The following CXXC5 variants were observed in gnomAD, a reference collection of about 807,000 sequenced individuals.
CXXC5 encodes CXXC finger protein 5.
Under a neutral mutation model 17.6 loss-of-function variants are expected in CXXC5, and 2 were observed. That is an observed-to-expected ratio of 0.11 (90% CI 0.05 to 0.36). CXXC5 has a LOEUF of 0.36. Among genes scored for constraint, CXXC5 ranks in the 10% least tolerant of loss-of-function variants. The pLI is 1.00. For synonymous variants in CXXC5, 171 were observed against 193.0 expected, an observed-to-expected ratio of 0.89 and a Z score of 0.94; for missense variants, 343 against 458.3, an observed-to-expected ratio of 0.75 and a Z score of 2.30.
chr5:139,657,015 A>G (rs887712125), intron 1 of CXXC5, among the ~76,000 whole-genome samples: 2 of 151,952 alleles, frequency 1.3e-5, no homozygotes, highest in Admixed American at 6.6e-5. Context: ...GTGAGCCACC[A>G]CCCCCGGCCA....
At position 139,681,057 on chromosome 5, in the gene CXXC5, G is replaced by A; in HGVS notation, c.534G>A (p.Glu178=). The A allele has an allele frequency of 6.2e-7, 1 of 1,611,840 alleles. No homozygotes were observed. The highest frequency in any genetic ancestry group is 8.5e-7 in the Non-Finnish European group (1 of 1,180,002). The stretch of plus-strand genomic sequence containing the variant: ...AGATGCTGAAGCGCGTGGTGCAGGA[G>A]CATCTCCCGCTGATGAGCGAGGCGG... The part of the protein sequence containing the change: ...STEMLKRVVQ[E]HLPLMSEAGA... Residue 178 remains glutamate, a synonymous_variant, in exon 2 of 3, where the codon GAG becomes GAA. Coordinates refer to ENST00000302517, the MANE Select transcript of CXXC5 (RefSeq NM_016463.9).
intron 1 of CXXC5, among the ~76,000 whole-genome samples, chr5:139,666,076 G>T (rs1028280731): frequency 6.6e-6 from 1 of 152,128 alleles, no homozygotes; most frequent in South Asian, 2.1e-4. Context: ...GGACATTATC[G>T]GGCCAGTGTG....
chr5:139,682,934 T>TC lies in CXXC5; in HGVS notation c.*29dup. On this transcript the variant is annotated 3_prime_UTR_variant, in exon 3 of 3. Transcript: ENST00000302517. ...GGCGGCGGAACCCAAAGCTGCCCTCTCCGTGCAATGTCACTGCTCGTGTGG... is the reference window on the plus strand; with the variant it reads ...GGCGGCGGAACCCAAAGCTGCCCTCTCCCGTGCAATGTCACTGCTCGTGTGG... The TC allele has an allele frequency of 6.4e-7, 1 of 1,572,920 alleles. No individual in the cohort carries two copies. The highest frequency in any genetic ancestry group is 8.7e-7 in the Non-Finnish European group (1 of 1,155,760).
At position 139,661,040 on chromosome 5, in the gene CXXC5, C is replaced by T. The variant is rs556107687; in HGVS notation, c.-161+12195C>T. ...CCTGGGCCGAGGGGGCCAGGGCAGCCGGAGTCTGGGGGACCAGGACAGCCT... is the reference window on the plus strand; with the variant it reads ...CCTGGGCCGAGGGGGCCAGGGCAGCTGGAGTCTGGGGGACCAGGACAGCCT... On this transcript the variant is annotated intron_variant, in intron 1 of 2. Transcript: ENST00000302517. This position sits in a 1 kb window ranked among gnomAD's most constrained non-coding sequence, Gnocchi z 4.7. 2.0e-5 allele frequency among the ~76,000 whole-genome samples: 3 copies of T among 152,238 alleles called. No homozygotes were observed. The highest frequency in any genetic ancestry group is 4.8e-5 in the African/African-American group (2 of 41,534).
At chr5:139,679,448 G>A (rs1757056938) in intron 1 of CXXC5, among the ~76,000 whole-genome samples, 1 of 152,222 alleles carries the variant, frequency 6.6e-6, no homozygotes, top group South Asian at 2.1e-4. Flanking sequence ...GAAGATCCCT[G>A]AAATAAGGGT....
intron 1 of CXXC5, among the ~76,000 whole-genome samples, chr5:139,673,799 G>C (rs2126801605): frequency 6.6e-6 from 1 of 150,380 alleles, no homozygotes; most frequent in African/African-American, 2.4e-5. Flanking sequence ...CTGAGATCGG[G>C]CCACGCACTC....
chr5:139,676,890 T>C (rs1756861365), intron 1 of CXXC5, among the ~76,000 whole-genome samples: 1 of 151,536 alleles, frequency 6.6e-6, no homozygotes, highest in Non-Finnish European at 1.5e-5. Flanking sequence ...TCCTCCCCTC[T>C]AGTTCTCTGT....
rs532134798 is a variant in CXXC5, at chr5:139,661,344, G to A, written c.-161+12499G>A. Reference sequence around the variant, plus strand: ...GTGCACACTCACGCACCCCACACGCGGCACACCCAGGCACACACTTAGGAC... The same window carrying A: ...GTGCACACTCACGCACCCCACACGCAGCACACCCAGGCACACACTTAGGAC... On this transcript the variant is annotated intron_variant, in intron 1 of 2. Coordinates refer to ENST00000302517, the MANE Select transcript of CXXC5 (RefSeq NM_016463.9). This position sits in a 1 kb window ranked among gnomAD's most constrained non-coding sequence, Gnocchi z 4.7. 7.2e-5 allele frequency among the ~76,000 whole-genome samples: 11 copies of A among 152,198 alleles called. 1 individual carries two copies. The highest frequency in any genetic ancestry group is 2.6e-4 in the African/African-American group (11 of 41,522).
At chr5:139,664,298 A>G (rs1755977350) in intron 1 of CXXC5, among the ~76,000 whole-genome samples, 1 of 152,040 alleles carries the variant, frequency 6.6e-6, no homozygotes, top group Non-Finnish European at 1.5e-5. Flanking sequence ...GGCCTGTGGA[A>G]GCTGCCTCGG....
In CXXC5 at chr5:139,663,272, C is replaced by T. The variant is rs959547556; in HGVS notation, c.-161+14427C>T. On this transcript the variant is annotated intron_variant, in intron 1 of 2. Coordinates refer to ENST00000302517, the MANE Select transcript of CXXC5 (RefSeq NM_016463.9). This position sits in a 1 kb window ranked among gnomAD's most constrained non-coding sequence, Gnocchi z 4.2. The stretch of plus-strand genomic sequence containing the variant: ...TTCTCTGTCTCCCACCCCCTATGCT[C>T]ACACAGCAAGGCTATATGTTAGACT... 2.0e-5 allele frequency among the ~76,000 whole-genome samples: 3 copies of T among 152,202 alleles called. No homozygotes were observed. Among genetic ancestry groups the T allele is most frequent in the Non-Finnish European group, 2.9e-5 (2 of 68,032 alleles).
intron 1 of CXXC5, among the ~76,000 whole-genome samples, chr5:139,664,077 C>A (rs963647417): frequency 1.3e-5 from 2 of 152,158 alleles, no homozygotes; most frequent in Non-Finnish European, 2.9e-5. Context: ...CCCCCTCCCC[C>A]ATGCCCAGCT....
At chr5:139,677,560 G>A (rs926608447) in intron 1 of CXXC5, among the ~76,000 whole-genome samples, 1 of 152,200 alleles carries the variant, frequency 6.6e-6, no homozygotes, top group Non-Finnish European at 1.5e-5. Flanking sequence ...TGAAAACAGA[G>A]TTGTCCCTGT....
chr5:139,683,044 T>C lies in CXXC5; in HGVS notation c.*137T>C. ...ATTCTCTCACAGATTTCATTCCTGT[T>C]TTTATATATATATTTTTTGTTGTCG... On this transcript the variant is annotated 3_prime_UTR_variant, in exon 3 of 3. Coordinates refer to ENST00000302517, the MANE Select transcript of CXXC5 (RefSeq NM_016463.9). 1.6e-6 allele frequency: 1 copy of C among 635,116 alleles called. No individual in the cohort carries two copies. The highest frequency in any genetic ancestry group is 5.5e-5 in the South Asian group (1 of 18,212). The allele number at this position is 635,116 out of a possible 1,614,324, so 39.3% of individuals were successfully genotyped here. A position where few individuals can be genotyped will look rare whatever the true frequency, so the allele number is the denominator to read the frequency against.
At chr5:139,666,323 C>T (rs1269445927) in intron 1 of CXXC5, among the ~76,000 whole-genome samples, 2 of 152,202 alleles carry the variant, frequency 1.3e-5, no homozygotes, top group Non-Finnish European at 1.5e-5. Context: ...CCCTTCACCC[C>T]CATCCCTGTG....
At chr5:139,676,919 C>T (rs750448630) in intron 1 of CXXC5, among the ~76,000 whole-genome samples, 14 of 151,652 alleles carry the variant, frequency 9.2e-5, no homozygotes, top group Non-Finnish European at 1.3e-4. Flanking sequence ...TCTGTCCCCA[C>T]CACCTGTCTC....
At chr5:139,653,089 C>T (rs1755298125) in intron 1 of CXXC5, among the ~76,000 whole-genome samples, 1 of 152,062 alleles carries the variant, frequency 6.6e-6, no homozygotes, top group South Asian at 2.1e-4. Flanking sequence ...GTGTGTAGAA[C>T]TGAACCTCTC....
In CXXC5 at chr5:139,680,678, A is replaced by G; in HGVS notation, c.155A>G (p.Asp52Gly). ...AAAAPASVAD[D>G]TPPPERRNKS... ...GCCGCACCAGCCTCAGTGGCAGATG[A>G]CACACCACCCCCCGAGCGTCGGAAC... is the stretch of plus-strand genomic sequence containing the variant. Residue 52 changes from aspartate (D) to glycine (G), a missense_variant, in exon 2 of 3, where the codon GAC becomes GGC. Asp to Gly is a moderately conservative substitution (Grantham distance 94). Around this residue, in one of 4 missense-constraint regions of CXXC5, gnomAD observed 297 missense variants for 363.4 expected, o/e 0.82. Transcript: ENST00000302517. 1 of 1,613,276 alleles carries G rather than the reference A, an allele frequency of 6.2e-7. No individual in the cohort carries two copies. Among genetic ancestry groups the G allele is most frequent in the South Asian group, 1.1e-5 (1 of 91,082 alleles).
chr5:139,681,249 G>A lies in CXXC5; in HGVS notation c.726G>A (p.Glu242=). The change falls in exon 2 of 3, where the codon GAG becomes GAA. Residue 242 remains glutamate (E), a synonymous_variant. Transcript: ENST00000302517. ...CGCTGCACATGGCGGGCCTGGCTGA[G>A]TACCCCATGCAGGGAGAGCTGGCCT... ...ESALHMAGLA[E]YPMQGELASA... The A allele has an allele frequency of 6.2e-6, 10 of 1,612,086 alleles. No individual in the cohort carries two copies. The highest frequency in any genetic ancestry group is 8.5e-6 in the Non-Finnish European group (10 of 1,179,478).
In CXXC5 at chr5:139,670,057, G is replaced by A. The variant is rs1040935330; in HGVS notation, c.-160-10307G>A. Among the ~76,000 whole-genome samples the A allele has an allele frequency of 6.6e-5, 10 of 152,188 alleles. No homozygotes were observed. The highest frequency in any genetic ancestry group is 9.7e-5 in the African/African-American group (4 of 41,440). ...CTGTGGCGGCGGCTCCTCTCCAGGC[G>A]CCCAGCTGTGGCATCTGTCAAGGTC... On this transcript the variant is annotated intron_variant, in intron 1 of 2. Coordinates refer to ENST00000302517, the MANE Select transcript of CXXC5 (RefSeq NM_016463.9). The surrounding 1 kb of genome is among the most constrained non-coding windows in gnomAD (Gnocchi z 4.2).
Sources: allele counts gnomAD v4.1 joint callset (sites outside exome capture counted in the v4.1 genomes callset), GRCh38; gene constraint gnomAD v4.1.1; regional missense constraint gnomAD v4.1.1; non-coding constraint Gnocchi (gnomAD v3.1); transcripts MANE v1.5; gene names NCBI Gene and HGNC (gene_info 2026-07-23, HGNC 2026-07-21).